PIK3C2G: variants seen among roughly 807,000 people sequenced by gnomAD.
PIK3C2G encodes phosphatidylinositol-4-phosphate 3-kinase catalytic subunit type 2 gamma.
A neutral mutation model predicts 181.1 loss-of-function variants in PIK3C2G; 168 were observed. The observed-to-expected ratio is 0.93, with a 90% confidence interval of 0.82 to 1.05. The LOEUF (loss-of-function observed/expected upper bound fraction) is 1.05. Ranked by LOEUF, PIK3C2G falls within the 50% of genes least tolerant of loss-of-function variation. The pLI, the probability that PIK3C2G is intolerant of heterozygous loss-of-function variation, is 0.00. For synonymous variants in PIK3C2G, 573 were observed against 592.2 expected, an observed-to-expected ratio of 0.97 and a Z score of 0.47; for missense variants, 1,869 against 1,732.8, an observed-to-expected ratio of 1.08 and a Z score of -1.40.
intron 7 of PIK3C2G, among the ~76,000 whole-genome samples, chr12:18,321,692 T>C (rs1458512897): frequency 1.3e-5 from 2 of 152,066 alleles, no homozygotes; most frequent in Non-Finnish European, 2.9e-5. Flanking sequence ...AGCAAAGACA[T>C]GGGATCAACC....
chr12:18,680,126 G>A, the PIK3C2G span, among the ~76,000 whole-genome samples: 3 of 151,988 alleles, frequency 2.0e-5, no homozygotes, highest in Non-Finnish European at 4.4e-5. Context: ...GCAGTACTGA[G>A]AAGAAAGGGA....
chr12:18,440,834 A>G (rs12424146), intron 18 of PIK3C2G, among the ~76,000 whole-genome samples: 16,032 of 152,146 alleles, frequency 0.11, 1,193 homozygotes, highest in Admixed American at 0.26. Flanking sequence ...GGCTTATATT[A>G]TCAAGAGATC....
At position 18,277,969 on chromosome 12, in the gene PIK3C2G, T is replaced by C. The variant is rs1949053272; in HGVS notation, c.-78-4035T>C. Among the ~76,000 whole-genome samples, 4 of 152,284 alleles carry C rather than the reference T, an allele frequency of 2.6e-5. No individual in the cohort carries two copies. In the South Asian group the frequency reaches 8.3e-4, roughly 32 times the overall value. ...CATTAATAATACCAGCTTTCAAATA[T>C]CACTGTTTGAATTGAGCTGAACTTT... On this transcript the variant is annotated intron_variant, in intron 1 of 32. Coordinates refer to ENST00000538779, the MANE Select transcript of PIK3C2G (RefSeq NM_001288772.2).
chr12:18,334,019 T>C (rs901045726), intron 8 of PIK3C2G, among the ~76,000 whole-genome samples: 2 of 152,160 alleles, frequency 1.3e-5, no homozygotes, highest in African/African-American at 4.8e-5. Context: ...TAATTAATTC[T>C]AAAGTATTAG....
At chr12:18,258,635 G>A (rs115316122), upstream of PIK3C2G, among the ~76,000 whole-genome samples, 3,052 of 150,164 alleles carry the variant, frequency 0.02, 101 homozygotes, top group African/African-American at 0.071. Context: ...TTTTAAGGGC[G>A]GGAGAGGATT....
chr12:18,695,136 C>A, the PIK3C2G span: 3 of 1,505,864 alleles, frequency 2.0e-6, no homozygotes, highest in Non-Finnish European at 2.8e-6. Context: ...AATAAAGGAA[C>A]ACAAACCACT....
rs577850548 is a variant in PIK3C2G at position 18,500,322 on chromosome 12, A to G, written c.3016+2574A>G. Among the ~76,000 whole-genome samples the G allele has an allele frequency of 6.6e-3, 1,005 of 151,408 alleles. 9 individuals carry two copies. Among genetic ancestry groups the G allele is most frequent in the African/African-American group, 0.023 (969 of 41,394 alleles). ...CGGCGGAGGGTGTGCTGGGTCCCCCAGCAGTGCCGGCCCACCAGCGCTGCG... is the reference window on the plus strand; with the variant it reads ...CGGCGGAGGGTGTGCTGGGTCCCCCGGCAGTGCCGGCCCACCAGCGCTGCG... On this transcript the variant is annotated intron_variant, in intron 22 of 32. Transcript: ENST00000538779.
intron 16 of PIK3C2G, among the ~76,000 whole-genome samples, chr12:18,420,114 A>G (rs1173408124): frequency 6.6e-6 from 1 of 152,098 alleles, no homozygotes; most frequent in Non-Finnish European, 1.5e-5. Context: ...TTTCTAAAAA[A>G]TTGTTTCTTT....
chr12:18,263,811 T>C (rs977345995), intron 1 of PIK3C2G, among the ~76,000 whole-genome samples: 2 of 152,174 alleles, frequency 1.3e-5, no homozygotes, highest in African/African-American at 4.8e-5. Flanking sequence ...GTAACAAATC[T>C]CATTTAGCTT....
chr12:18,343,435 AT>A (rs1048577918), intron 10 of PIK3C2G, 75 bp downstream of exon 10: 3 of 739,424 alleles, frequency 4.1e-6, no homozygotes, highest in African/African-American at 1.8e-5. Context: ...ACTTTTTTCA[AT>A]TTTTTTATGC....
intron 5 of PIK3C2G, among the ~76,000 whole-genome samples, chr12:18,306,968 A>T (rs1950446014): frequency 6.6e-6 from 1 of 151,486 alleles, no homozygotes; most frequent in Non-Finnish European, 1.5e-5. Flanking sequence ...ATTATATAAA[A>T]CAAGCGTAAG....
At chr12:18,645,811 T>A (rs568365951) in intron 32 of PIK3C2G, among the ~76,000 whole-genome samples, 1 of 152,294 alleles carries the variant, frequency 6.6e-6, no homozygotes, top group East Asian at 1.9e-4. Flanking sequence ...TATTGATATG[T>A]TTTTTAAAAA....
chr12:18,712,342 A>G, the PIK3C2G span, among the ~76,000 whole-genome samples: 3 of 152,302 alleles, frequency 2.0e-5, no homozygotes, highest in Non-Finnish European at 1.5e-5. Context: ...AGGAATAACT[A>G]TATCGTTGAA....
At chr12:18,723,291 A>T in the PIK3C2G span, 2 of 1,584,194 alleles carry the variant, frequency 1.3e-6, no homozygotes, top group African/African-American at 1.3e-5. Flanking sequence ...TTCCGATAAA[A>T]GTTTGAAATG....
chr12:18,708,065 T>A, the PIK3C2G span, among the ~76,000 whole-genome samples: 1 of 152,082 alleles, frequency 6.6e-6, no homozygotes, highest in South Asian at 2.1e-4. Context: ...ATATACAGTA[T>A]AACTTTATTA....
intron 1 of PIK3C2G, among the ~76,000 whole-genome samples, chr12:18,254,918 A>C (rs1487976225): frequency 6.6e-6 from 1 of 151,572 alleles, no homozygotes; most frequent in East Asian, 2.0e-4. Flanking sequence ...AAATTTAAAA[A>C]AAGAAAGAGG....
intron 18 of PIK3C2G, among the ~76,000 whole-genome samples, chr12:18,470,339 C>T (rs188231636): frequency 9.1e-4 from 139 of 152,138 alleles, no homozygotes; most frequent in Admixed American, 1.9e-3. Context: ...GGTAGGAAGA[C>T]GCAGGGTCCA....
At chr12:18,480,660 C>G (rs11524508) in intron 18 of PIK3C2G, among the ~76,000 whole-genome samples, 1 of 152,048 alleles carries the variant, frequency 6.6e-6, no homozygotes, top group East Asian at 1.9e-4. Context: ...CACCCAAATG[C>G]TACTGCTCCT....
At chr12:18,381,531 TC>T (rs1942833758) in intron 13 of PIK3C2G, among the ~76,000 whole-genome samples, 2 of 152,208 alleles carry the variant, frequency 1.3e-5, no homozygotes, top group South Asian at 4.1e-4. Flanking sequence ...AATAATTTTC[TC>T]ATGTGCAAAA....
Sources: allele counts gnomAD v4.1 joint callset (sites outside exome capture counted in the v4.1 genomes callset), GRCh38; gene constraint gnomAD v4.1.1; transcripts MANE v1.5; gene names NCBI Gene and HGNC (gene_info 2026-07-23, HGNC 2026-07-21).